Variants in PARD6G observed in about 807,000 individuals in gnomAD.
The protein encoded by PARD6G is partitioning defective 6 homolog gamma.
PARD6G carries 7 observed loss-of-function variants against 10.7 expected under a neutral mutation model. That is an observed-to-expected ratio of 0.66 (90% confidence interval 0.37 to 1.23). PARD6G has a LOEUF of 1.23. PARD6G is among the 50% of genes most tolerant of loss of function. The pLI is 0.02. For missense variants in PARD6G, 548 were observed against 571.8 expected (o/e 0.96, Z 0.42); for synonymous variants, 287 against 269.4 (o/e 1.07, Z -0.64).
At chr18:80,207,427 T>C (rs1451720355) in intron 1 of PARD6G, among the ~76,000 whole-genome samples, 2 of 152,012 alleles carry the variant, frequency 1.3e-5, no homozygotes, top group South Asian at 2.1e-4. Flanking sequence ...CCGAAGTTTA[T>C]TTGGATGGCT....
At chr18:80,202,636 C>T (rs1967018072) in intron 2 of PARD6G, 74 bp downstream of exon 2, 1 of 1,273,990 alleles carries the variant, frequency 7.8e-7, no homozygotes, top group Admixed American at 2.0e-5. Context: ...CCTGTAATGA[C>T]AGAAAAAATT....
chr18:80,165,907 C>T (rs1249495799), intron 2 of PARD6G, among the ~76,000 whole-genome samples: 1 of 152,096 alleles, frequency 6.6e-6, no homozygotes. Context: ...CATGGTGAAA[C>T]CCTGTCTCTA....
At position 80,202,917 on chromosome 18, in the gene PARD6G, G is replaced by A. The variant is rs985309992; in HGVS notation, c.88C>T (p.Arg30Ter). ...TTATGACGGTCCAGAGAGAACCTTC[G>A]GAATTCCGCCCCAAACTACAATGCA... Reference protein sequence around the residue: ...EVKSKFGAEFRRFSLDRHKPG... With the variant: ...EVKSKFGAEF The change falls in exon 2 of 3, where the codon CGA (arginine) becomes TGA (stop). Residue 30 changes from arginine (R) to a stop codon, truncating the protein, a stop_gained. Coordinates refer to ENST00000353265, the MANE Select transcript of PARD6G (RefSeq NM_032510.4). LOFTEE classifies it high-confidence loss of function. 9.7e-6 allele frequency: 13 copies of A among 1,344,146 alleles called. No homozygotes were observed. Among genetic ancestry groups the A allele is most frequent in the African/African-American group, 5.0e-5 (3 of 59,908 alleles). The allele number at this position is 1,344,146 out of a possible 1,614,324, so 83.3% of individuals were successfully genotyped here. A position where few individuals can be genotyped will look rare whatever the true frequency, so the allele number is the denominator to read the frequency against.
Position 80,202,950 on chromosome 18 carries a change from G to T in PARD6G, c.73-18C>A. 7 of 387,502 alleles carry T rather than the reference G, an allele frequency of 1.8e-5. No homozygotes were observed. Among genetic ancestry groups the T allele is most frequent in the South Asian group, 5.5e-5 (3 of 54,620 alleles). The allele number at this position is 387,502 out of a possible 1,614,324, so 24.0% of individuals were successfully genotyped here. ...GCCCCAAACTACAATGCAAGAGACG[G>T]GGTGGGGGGAGGGGCATTAATAAAT... is the stretch of plus-strand genomic sequence containing the variant. On this transcript the variant is annotated intron_variant, in intron 1 of 2. Transcript: ENST00000353265.
At position 80,160,219 on chromosome 18, in the gene PARD6G, G is replaced by A. The variant is rs1382624239; in HGVS notation, c.683C>T (p.Thr228Met). The change falls in exon 3 of 3, where the codon ACG becomes ATG. Residue 228 changes from threonine to methionine, a missense_variant. Around this residue, in one of 2 missense-constraint regions of PARD6G, gnomAD observed 313 missense variants for 279.9 expected, o/e 1.12. Coordinates refer to ENST00000353265, the MANE Select transcript of PARD6G (RefSeq NM_032510.4). ...EVNGIEVAGK[T>M]LDQVTDMMIA... ...CATCATGTCCGTGACCTGGTCCAGC[G>A]TCTTCCCGGCCACCTCAATGCCGTT... 1.9e-6 allele frequency: 3 copies of A among 1,613,098 alleles called. No individual in the cohort carries two copies. The highest frequency in any genetic ancestry group is 2.5e-6 in the Non-Finnish European group (3 of 1,179,874).
chr18:80,171,257 G>A (rs2052774288), intron 2 of PARD6G: 1 of 152,244 alleles, frequency 6.6e-6, no homozygotes, highest in African/African-American at 2.4e-5. Flanking sequence ...TCCTCCTCCT[G>A]TGGCGTCCCT....
intron 2 of PARD6G, among the ~76,000 whole-genome samples, chr18:80,177,072 T>C (rs1328166583): frequency 2.7e-5 from 3 of 111,048 alleles, no homozygotes; most frequent in Non-Finnish European, 5.3e-5. Context: ...ACAGCCCAAA[T>C]GGAAAGCGCG....
intron 1 of PARD6G, among the ~76,000 whole-genome samples, chr18:80,206,257 C>T (rs548238702): frequency 1.7e-4 from 26 of 152,166 alleles, no homozygotes; most frequent in African/African-American, 4.8e-4. Context: ...TGAATGAGCT[C>T]CAAAGTTTTG....
At chr18:80,240,740 T>C (rs1967480530) in intron 1 of PARD6G, among the ~76,000 whole-genome samples, 1 of 152,170 alleles carries the variant, frequency 6.6e-6, no homozygotes, top group Non-Finnish European at 1.5e-5. Context: ...TGACTGGTCT[T>C]GCGGGGTGGT....
intron 1 of PARD6G, among the ~76,000 whole-genome samples, chr18:80,217,931 C>T (rs759987409): frequency 7.2e-5 from 11 of 152,136 alleles, no homozygotes; most frequent in East Asian, 1.9e-4. Flanking sequence ...CAGAGTGAAG[C>T]GGCGGGGAGC....
intron 1 of PARD6G, among the ~76,000 whole-genome samples, chr18:80,230,721 G>A (rs1329396252): frequency 6.6e-6 from 1 of 152,162 alleles, no homozygotes; most frequent in Non-Finnish European, 1.5e-5. Flanking sequence ...AAATGTAGGA[G>A]GTGGGAGGGG....
At chr18:80,165,885 C>T (rs1432621215) in intron 2 of PARD6G, among the ~76,000 whole-genome samples, 2 of 152,098 alleles carry the variant, frequency 1.3e-5, no homozygotes, top group Non-Finnish European at 2.9e-5. Flanking sequence ...AGTTCAAAAC[C>T]AGCCTGACCA....
intron 2 of PARD6G, among the ~76,000 whole-genome samples, chr18:80,191,733 G>A (rs529610960): frequency 6.6e-6 from 1 of 152,172 alleles, no homozygotes; most frequent in African/African-American, 2.4e-5. Context: ...TGGCCCAGCT[G>A]GGTTTTTGGT....
intron 1 of PARD6G, among the ~76,000 whole-genome samples, chr18:80,241,560 T>C (rs747764600): frequency 2.0e-5 from 3 of 152,176 alleles, no homozygotes; most frequent in Non-Finnish European, 4.4e-5. Flanking sequence ...GGCACATATA[T>C]GCACGTATAT....
At chr18:80,233,796 G>C (rs1352712017) in intron 1 of PARD6G, among the ~76,000 whole-genome samples, 1 of 151,986 alleles carries the variant, frequency 6.6e-6, no homozygotes, top group Non-Finnish European at 1.5e-5. Flanking sequence ...CAGAAGCAAA[G>C]GCAAAAAGAG....
intron 1 of PARD6G, among the ~76,000 whole-genome samples, chr18:80,239,548 T>C (rs530050003): frequency 7.2e-5 from 11 of 152,346 alleles, no homozygotes; most frequent in African/African-American, 2.2e-4. Context: ...ATGTGGCCCA[T>C]AGGCCATGGA....
chr18:80,174,876 C>T (rs2052799403), intron 2 of PARD6G, among the ~76,000 whole-genome samples: 2 of 152,090 alleles, frequency 1.3e-5, no homozygotes, highest in East Asian at 1.9e-4. Context: ...ATGGCGTGAA[C>T]CCGGGAGGCG....
intron 2 of PARD6G, among the ~76,000 whole-genome samples, chr18:80,195,560 T>TATATATATATATATATATATATAC (rs1966946072): frequency 2.9e-5 from 3 of 104,712 alleles, no homozygotes; most frequent in Non-Finnish European, 3.7e-5. Flanking sequence ...TATATATATA[T>TATATATATATATATATATATATAC]ATATATATAT....
At chr18:80,178,519 T>C (rs2052829678) in intron 2 of PARD6G, 1 of 152,362 alleles carries the variant, frequency 6.6e-6, no homozygotes, top group Admixed American at 6.5e-5. Context: ...CTTGCAGCCA[T>C]CTTCCCTCAA....
Sources: allele counts gnomAD v4.1 joint callset (sites outside exome capture counted in the v4.1 genomes callset), GRCh38; gene constraint gnomAD v4.1.1; regional missense constraint gnomAD v4.1.1; transcripts MANE v1.5; gene names NCBI Gene and HGNC (gene_info 2026-07-23, HGNC 2026-07-21).